Variants in GALNT18 observed in about 807,000 individuals in gnomAD.
The protein encoded by GALNT18 is GalNAc-transferase 18.
Under a neutral mutation model 69.5 loss-of-function variants are expected in GALNT18, and 44 were observed. The ratio of observed to expected loss-of-function variants is 0.63; its 90% confidence interval spans 0.50 to 0.81. GALNT18 has a LOEUF of 0.81. Ranked by LOEUF, GALNT18 falls within the 40% of genes least tolerant of loss-of-function variation. GALNT18 has a pLI of 0.00. For missense variants in GALNT18, 715 were observed against 810.0 expected, an observed-to-expected ratio of 0.88 and a Z score of 1.42; for synonymous variants, 364 against 318.2, an observed-to-expected ratio of 1.14 and a Z score of -1.53.
chr11:11,289,609 G>C, intron 10 of GALNT18, among the ~76,000 whole-genome samples: 1 of 152,214 alleles, frequency 6.6e-6, no homozygotes, highest in East Asian at 1.9e-4. Context: ...AGGATGGACA[G>C]ACAAGATGGG....
intron 1 of GALNT18, among the ~76,000 whole-genome samples, chr11:11,471,883 C>T (rs1856278342): frequency 6.6e-6 from 1 of 152,228 alleles, no homozygotes; most frequent in African/African-American, 2.4e-5. Flanking sequence ...AACAGCTTTG[C>T]AGCCTGGCCC....
intron 1 of GALNT18, among the ~76,000 whole-genome samples, chr11:11,478,001 G>A (rs1856440302): frequency 6.6e-6 from 1 of 152,092 alleles, no homozygotes; most frequent in South Asian, 2.1e-4. Context: ...AAATCCACTG[G>A]GTCATAATAT....
chr11:11,608,953 G>A (rs924513459), intron 1 of GALNT18, among the ~76,000 whole-genome samples: 3 of 152,078 alleles, frequency 2.0e-5, no homozygotes, highest in Admixed American at 6.5e-5. Context: ...CTGACAATTC[G>A]CTCTTCTGGA....
chr11:11,442,398 T>C (rs1264801900), intron 2 of GALNT18, among the ~76,000 whole-genome samples: 1 of 152,206 alleles, frequency 6.6e-6, no homozygotes, highest in Non-Finnish European at 1.5e-5. Flanking sequence ...CATTACATAC[T>C]CATAGGTATG....
At chr11:11,504,486 A>T (rs2133903662) in intron 1 of GALNT18, among the ~76,000 whole-genome samples, 1 of 152,166 alleles carries the variant, frequency 6.6e-6, no homozygotes, top group South Asian at 2.1e-4. Flanking sequence ...ACCGGGCGTG[A>T]TGGCTCATGT....
intron 3 of GALNT18, among the ~76,000 whole-genome samples, chr11:11,426,429 A>T (rs1282545317): frequency 6.6e-6 from 1 of 152,202 alleles, no homozygotes; most frequent in Non-Finnish European, 1.5e-5. Context: ...CTCACAAAGA[A>T]TCAGAGTGCC....
At chr11:11,367,898 T>C (rs1208562997) in intron 6 of GALNT18, among the ~76,000 whole-genome samples, 1 of 152,192 alleles carries the variant, frequency 6.6e-6, no homozygotes, top group East Asian at 1.9e-4. Context: ...CCTTTTTTTA[T>C]GACTTGGGAC....
intron 9 of GALNT18, among the ~76,000 whole-genome samples, chr11:11,304,891 T>G (rs984344032): frequency 1.3e-5 from 2 of 152,248 alleles, no homozygotes; most frequent in Middle Eastern, 3.4e-3. Flanking sequence ...TAGAAAAAGT[T>G]GAGATGACAG....
In GALNT18 at chr11:11,276,967, A is replaced by AT. The variant is rs572770432; in HGVS notation, c.1678-5678dup. On this transcript the variant is annotated intron_variant, in intron 10 of 10. Transcript: ENST00000227756. The stretch of plus-strand genomic sequence containing the variant: ...TGTTCATCAGGGATATTGGCCTGAA[A>AT]TTTTCTTTTTTTGTTGTGTCTCTGC... 4.0e-3 allele frequency among the ~76,000 whole-genome samples: 609 copies of AT among 152,140 alleles called. 17 individuals carry two copies. Among genetic ancestry groups the AT allele is most frequent in the Admixed American group, 0.031 (481 of 15,276 alleles).
intron 6 of GALNT18, among the ~76,000 whole-genome samples, chr11:11,363,136 C>T (rs1404806301): frequency 6.6e-6 from 1 of 151,904 alleles, no homozygotes; most frequent in South Asian, 2.1e-4. Flanking sequence ...TTAAGTAAAA[C>T]AAACAAAAAT....
Position 11,584,636 on chromosome 11 carries a change from G to A in GALNT18, c.235+36723C>T, listed in dbSNP as rs376670582. 6.6e-6 allele frequency among the ~76,000 whole-genome samples: 1 copy of A among 152,096 alleles called. No homozygotes were observed. Among genetic ancestry groups the A allele is most frequent in the Admixed American group, 6.5e-5 (1 of 15,286 alleles). ...AGAAGCAAACCCAATGAGTCACAGT[G>A]TAAATTATTCCTATTAGTCAGTGCT... On this transcript the variant is annotated intron_variant, in intron 1 of 10. Transcript: ENST00000227756. The surrounding 1 kb of genome is among the most constrained non-coding windows in gnomAD (Gnocchi z 4.1).
chr11:11,505,763 C>T lies in GALNT18; in HGVS notation c.236-56827G>A, dbSNP rs943786708. On this transcript the variant is annotated intron_variant, in intron 1 of 10. Coordinates refer to ENST00000227756, the MANE Select transcript of GALNT18 (RefSeq NM_198516.3). This position sits in a 1 kb window ranked among gnomAD's most constrained non-coding sequence, Gnocchi z 4.6. Reference sequence around the variant, plus strand: ...TGAATCCAGTGTACCTGCTCTCTCTCCTTCATTTGCATGCCTTCAAGTTCT... The same window carrying T: ...TGAATCCAGTGTACCTGCTCTCTCTTCTTCATTTGCATGCCTTCAAGTTCT... 1.3e-5 allele frequency among the ~76,000 whole-genome samples: 2 copies of T among 152,222 alleles called. No homozygotes were observed. The highest frequency in any genetic ancestry group is 4.8e-5 in the African/African-American group (2 of 41,458).
intron 6 of GALNT18, among the ~76,000 whole-genome samples, chr11:11,362,526 A>C (rs1850666388): frequency 6.6e-6 from 1 of 152,186 alleles, no homozygotes; most frequent in African/African-American, 2.4e-5. Context: ...AAGTGGGCCA[A>C]AGATACGAAC....
At chr11:11,293,542 T>TTC (rs1554911586) in intron 9 of GALNT18, among the ~76,000 whole-genome samples, 1 of 135,422 alleles carries the variant, frequency 7.4e-6, no homozygotes, top group African/African-American at 2.8e-5. Flanking sequence ...TCTTTTTTTT[T>TTC]TTTTTTTTTT....
At chr11:11,499,442 C>T (rs185445059) in intron 1 of GALNT18, among the ~76,000 whole-genome samples, 1 of 152,200 alleles carries the variant, frequency 6.6e-6, no homozygotes, top group Non-Finnish European at 1.5e-5. Flanking sequence ...CTCCCTCCCC[C>T]ACCTGTGGGC....
intron 3 of GALNT18, among the ~76,000 whole-genome samples, chr11:11,431,182 T>C (rs929788926): frequency 6.6e-6 from 1 of 152,144 alleles, no homozygotes; most frequent in African/African-American, 2.4e-5. Context: ...ATGTGAGGAG[T>C]TCAGCCTCTT....
chr11:11,561,826 A>G (rs1486301498), intron 1 of GALNT18, among the ~76,000 whole-genome samples: 3 of 152,178 alleles, frequency 2.0e-5, no homozygotes, highest in Non-Finnish European at 4.4e-5. Context: ...TTGGAAAGCA[A>G]AGACGAGAAC....
chr11:11,278,424 T>G (rs527761937), intron 10 of GALNT18, among the ~76,000 whole-genome samples: 15 of 151,836 alleles, frequency 9.9e-5, no homozygotes, highest in African/African-American at 3.4e-4. Context: ...GATGATGGGT[T>G]GATGGGTGCA....
chr11:11,517,751 A>G (rs1156998210), intron 1 of GALNT18, among the ~76,000 whole-genome samples: 1 of 152,076 alleles, frequency 6.6e-6, no homozygotes, highest in African/African-American at 2.4e-5. Context: ...TGAGCCATCT[A>G]GGACCATCTC....
Sources: gnomAD v4.1 joint callset for allele counts (sites outside exome capture counted in the v4.1 genomes callset) on GRCh38, gnomAD v4.1.1 for gene constraint, Gnocchi (gnomAD v3.1) non-coding constraint, MANE v1.5 for transcripts, NCBI Gene and HGNC (gene_info 2026-07-23, HGNC 2026-07-21) for gene names.